Variants in PPP1R16B observed in about 807,000 individuals in gnomAD.
The protein encoded by PPP1R16B is protein phosphatase 1 regulatory inhibitor subunit 16B.
Under a neutral mutation model 61.7 loss-of-function variants are expected in PPP1R16B, and 14 were observed. That is an observed-to-expected ratio of 0.23 (90% CI 0.15 to 0.35). PPP1R16B has a LOEUF of 0.35. PPP1R16B is among the 10% of genes least tolerant of loss of function. PPP1R16B has a pLI of 1.00. For missense variants in PPP1R16B, 547 were observed against 752.5 expected, an observed-to-expected ratio of 0.73 and a Z score of 3.19; for synonymous variants, 266 against 305.3, an observed-to-expected ratio of 0.87 and a Z score of 1.34.
chr20:38,884,952 T>C (rs2085231818), intron 2 of PPP1R16B, among the ~76,000 whole-genome samples: 1 of 141,128 alleles, frequency 7.1e-6, no homozygotes, highest in African/African-American at 2.7e-5. Flanking sequence ...ATGACTGTAG[T>C]CCCAGGTACT....
chr20:38,897,163 A>G (rs951231992), intron 4 of PPP1R16B, among the ~76,000 whole-genome samples: 5 of 152,056 alleles, frequency 3.3e-5, no homozygotes, highest in African/African-American at 7.2e-5. Context: ...ATAAATAAAT[A>G]AATGAAAAGT....
chr20:38,844,839 T>C (rs2084927405), intron 2 of PPP1R16B, among the ~76,000 whole-genome samples: 1 of 152,164 alleles, frequency 6.6e-6, no homozygotes, highest in South Asian at 2.1e-4. Flanking sequence ...TTCTTAGTGT[T>C]ACTGTGAAAA....
chr20:38,848,979 ATAAT>A (rs1257891055), intron 2 of PPP1R16B, among the ~76,000 whole-genome samples: 4 of 152,236 alleles, frequency 2.6e-5, no homozygotes, highest in Admixed American at 6.5e-5. Flanking sequence ...AAAAATTAAA[ATAAT>A]TAATTAATTT....
intron 2 of PPP1R16B, among the ~76,000 whole-genome samples, chr20:38,840,619 A>G (rs2084903538): frequency 6.6e-6 from 1 of 152,150 alleles, no homozygotes; most frequent in Non-Finnish European, 1.5e-5. Context: ...GTCCAGCGTG[A>G]TCTCTGGGGA....
Position 38,920,958 on chromosome 20 carries a change from C to T in PPP1R16B, c.*2292C>T, listed in dbSNP as rs1394292961. The T allele has an allele frequency of 6.6e-6, 1 of 152,236 alleles. No individual in the cohort carries two copies. The highest frequency in any genetic ancestry group is 1.9e-4 in the East Asian group (1 of 5,192). The allele number at this position is 152,236 out of a possible 1,614,324, so 9.4% of individuals were successfully genotyped here. A position where few individuals can be genotyped will look rare whatever the true frequency, so the allele number is the denominator to read the frequency against. On this transcript the variant is annotated 3_prime_UTR_variant, in exon 11 of 11. Coordinates refer to ENST00000299824, the MANE Select transcript of PPP1R16B (RefSeq NM_015568.4). ...GGAGTTCTGAGGGAAGCCGCGTGCT[C>T]CTCAGGAGAGAGCTGTTTAGGTTTT...
At chr20:38,853,612 T>G (rs1321652627) in intron 2 of PPP1R16B, among the ~76,000 whole-genome samples, 1 of 152,238 alleles carries the variant, frequency 6.6e-6, no homozygotes, top group Admixed American at 6.5e-5. Context: ...CTGTAATCAC[T>G]TGCCTTTTGT....
intron 1 of PPP1R16B, among the ~76,000 whole-genome samples, chr20:38,812,423 A>G (rs1200091720): frequency 1.3e-5 from 2 of 152,206 alleles, no homozygotes; most frequent in Non-Finnish European, 2.9e-5. Context: ...CAGCAATGTG[A>G]TAGGCCTTGG....
chr20:38,859,121 T>A (rs1207310626), intron 2 of PPP1R16B, among the ~76,000 whole-genome samples: 1 of 152,206 alleles, frequency 6.6e-6, no homozygotes, highest in East Asian at 1.9e-4. Context: ...CCCCACCTTC[T>A]GATGGCAGGA....
Position 38,918,251 on chromosome 20 carries a change from C to G in PPP1R16B, c.1289C>G (p.Ala430Gly). ...ATGCCTGTTGAGAATGGCCTCCGGGCTCCGGTCAGTGCCTACCAGTATGCG... is the reference window on the plus strand; with the variant it reads ...ATGCCTGTTGAGAATGGCCTCCGGGGTCCGGTCAGTGCCTACCAGTATGCG... ...LDMPVENGLR[A>G]PVSAYQYALA... Residue 430 changes from alanine to glycine, a missense_variant, in exon 11 of 11, where the codon GCT (alanine) becomes GGT (glycine). Ala to Gly is a moderately conservative substitution (Grantham distance 60). Coordinates refer to ENST00000299824, the MANE Select transcript of PPP1R16B (RefSeq NM_015568.4). This position sits in a 1 kb window ranked among gnomAD's most constrained non-coding sequence, Gnocchi z 5.3. The G allele has an allele frequency of 6.2e-7, 1 of 1,614,256 alleles. No homozygotes were observed. The highest frequency in any genetic ancestry group is 1.1e-5 in the South Asian group (1 of 91,088).
intron 4 of PPP1R16B, among the ~76,000 whole-genome samples, chr20:38,897,246 G>T (rs1319536322): frequency 1.3e-5 from 2 of 152,170 alleles, no homozygotes; most frequent in African/African-American, 4.8e-5. Context: ...AGAATCGCTC[G>T]AACCCAGGAG....
chr20:38,873,802 C>T (rs1007140787), intron 2 of PPP1R16B, among the ~76,000 whole-genome samples: 1 of 148,218 alleles, frequency 6.7e-6, no homozygotes, highest in African/African-American at 2.5e-5. Flanking sequence ...GATCTCAGCT[C>T]ACTGCAACCT....
At chr20:38,916,360 A>T (rs935400069) in intron 10 of PPP1R16B, among the ~76,000 whole-genome samples, 1 of 148,036 alleles carries the variant, frequency 6.8e-6, no homozygotes, top group Non-Finnish European at 1.5e-5. Context: ...TTATATGTAC[A>T]TATATGTTAT....
intron 10 of PPP1R16B, among the ~76,000 whole-genome samples, chr20:38,914,108 G>A (rs1179029578): frequency 6.6e-6 from 1 of 151,950 alleles, no homozygotes; most frequent in Non-Finnish European, 1.5e-5. Context: ...ACTTGAACCT[G>A]GGAGGCAGAG....
At chr20:38,826,665 T>C (rs2084807135) in intron 1 of PPP1R16B, among the ~76,000 whole-genome samples, 1 of 152,198 alleles carries the variant, frequency 6.6e-6, no homozygotes, top group Non-Finnish European at 1.5e-5. Flanking sequence ...TGTAGCCTGG[T>C]GGTTACCAAA....
chr20:38,869,930 T>A (rs6028173), intron 2 of PPP1R16B, among the ~76,000 whole-genome samples: 105,876 of 149,400 alleles, frequency 0.71, 37,527 homozygotes, highest in South Asian at 0.85. Context: ...TTATTTATTT[T>A]TTTTTTTTTT....
At chr20:38,835,217 C>A (rs1386754064) in intron 1 of PPP1R16B, among the ~76,000 whole-genome samples, 6 of 152,146 alleles carry the variant, frequency 3.9e-5, no homozygotes, top group African/African-American at 1.2e-4. Context: ...AACTTGCATC[C>A]CATAGTGATC....
intron 1 of PPP1R16B, among the ~76,000 whole-genome samples, chr20:38,808,359 A>G (rs2084675711): frequency 6.6e-6 from 1 of 151,612 alleles, no homozygotes; most frequent in South Asian, 2.1e-4. Flanking sequence ...CATCCCCCCA[A>G]CCTTTCCCTC....
At chr20:38,843,458 C>T (rs1038920390) in intron 2 of PPP1R16B, among the ~76,000 whole-genome samples, 1 of 152,216 alleles carries the variant, frequency 6.6e-6, no homozygotes, top group African/African-American at 2.4e-5. Flanking sequence ...GGCAGGAGGC[C>T]TCAGTTCCCT....
In PPP1R16B at chr20:38,918,207, C is replaced by G; in HGVS notation, c.1245C>G (p.Ile415Met). 1 of 1,614,236 alleles carries G rather than the reference C, an allele frequency of 6.2e-7. No homozygotes were observed. Among genetic ancestry groups the G allele is most frequent in the Non-Finnish European group, 8.5e-7 (1 of 1,180,040 alleles). Residue 415 changes from isoleucine (I) to methionine (M), a missense_variant, in exon 11 of 11, where the codon ATC (isoleucine) becomes ATG (methionine). Physicochemically the swap from Ile to Met is conservative, Grantham distance 10. Coordinates refer to ENST00000299824, the MANE Select transcript of PPP1R16B (RefSeq NM_015568.4). The surrounding 1 kb of genome is among the most constrained non-coding windows in gnomAD (Gnocchi z 5.3). ...PVLLSEFPTK[I>M]PRGELDMPVE... Reference sequence around the variant, plus strand: ...TACTCTCCGAATTTCCTACCAAGATCCCACGAGGTGAACTGGACATGCCTG... The same window carrying G: ...TACTCTCCGAATTTCCTACCAAGATGCCACGAGGTGAACTGGACATGCCTG...
Sources: gnomAD v4.1 joint callset for allele counts (sites outside exome capture counted in the v4.1 genomes callset) on GRCh38, gnomAD v4.1.1 for gene constraint, Gnocchi (gnomAD v3.1) non-coding constraint, MANE v1.5 for transcripts, NCBI Gene and HGNC (gene_info 2026-07-23, HGNC 2026-07-21) for gene names.